The following EIF2D variants were observed in gnomAD, a reference collection of about 807,000 sequenced individuals.
EIF2D encodes the protein hepatocellular carcinoma-associated antigen 56.
Under a neutral mutation model 77.4 loss-of-function variants are expected in EIF2D, and 56 were observed. That is an observed-to-expected ratio of 0.72 (90% confidence interval 0.58 to 0.90). The LOEUF (loss-of-function observed/expected upper bound fraction) is 0.90. Ranked by LOEUF, EIF2D falls within the 40% of genes least tolerant of loss-of-function variation. EIF2D has a pLI of 0.00. For missense variants in EIF2D, 574 were observed against 706.5 expected (o/e 0.81, Z 2.13); for synonymous variants, 230 against 271.0 (o/e 0.85, Z 1.49).
At chr1:206,581,117 A>T (rs1558522270) in exon 3 of EIF2D, 1 of 152,242 alleles carries the variant, frequency 6.6e-6, no homozygotes. Flanking sequence ...TCTTACTAGC[A>T]GGGGACCACA....
At position 206,608,266 on chromosome 1, in the gene EIF2D, T is replaced by A. The variant is rs1266621250; in HGVS notation, c.392A>T (p.Asp131Val). The change falls in exon 4 of 15, where the codon GAC (aspartate) becomes GTC (valine). Residue 131 changes from aspartate (D) to valine (V), a missense_variant. Physicochemically the swap from Asp to Val is radical, Grantham distance 152. Coordinates refer to ENST00000271764, the MANE Select transcript of EIF2D (RefSeq NM_006893.3). ...PAGLPQVQKGDLCAISLVGNR... is the reference protein window; with the variant it reads ...PAGLPQVQKGVLCAISLVGNR... The stretch of plus-strand genomic sequence containing the variant: ...CCCCACCAAAGAAATGGCACAGAGG[T>A]CGCCCTTCTGTACCTGAGGCAGACC... The A allele has an allele frequency of 6.2e-7, 1 of 1,613,566 alleles. No individual in the cohort carries two copies.
chr1:206,593,644 G>C lies in EIF2D; in HGVS notation c.1659C>G (p.Val553=). ...SLQVQIQGNQ[V]HHLGWLLLEE... ...CAAGCAATAGCCAGCCGAGGTGGTG[G>C]ACCTGGTTTCCCTGGATCTGCACCT... The change falls in exon 14 of 15, where the codon GTC becomes GTG. Residue 553 remains valine, a synonymous_variant. Coordinates refer to ENST00000271764, the MANE Select transcript of EIF2D (RefSeq NM_006893.3). 6.2e-7 allele frequency: 1 copy of C among 1,610,486 alleles called. No individual in the cohort carries two copies.
chr1:206,583,663 C>T (rs1024358773), intron 2 of EIF2D: 8 of 393,056 alleles, frequency 2.0e-5, no homozygotes, highest in Admixed American at 3.8e-5. Flanking sequence ...TTAAACGGTA[C>T]GTAATGACCA....
rs575445549 is a variant in EIF2D at position 206,579,025 on chromosome 1, C to T, written c.*254+1667G>A. 5.3e-5 allele frequency among the ~76,000 whole-genome samples: 8 copies of T among 152,322 alleles called. No individual in the cohort carries two copies. The South Asian group carries it at 1.7e-3, about 32-fold the overall frequency. ...TTTAAATGGAAGCATTAGAGAATCA[C>T]TCAGGGTCGGGGTGTCGCTGTGAAC... On this transcript the variant is annotated intron_variant and NMD_transcript_variant, in intron 4 of 5. Coordinates refer to the EIF2D transcript ENST00000472709. This position sits in a 1 kb window ranked among gnomAD's most constrained non-coding sequence, Gnocchi z 4.2.
chr1:206,606,284 TCTG>T (rs1201589726), intron 4 of EIF2D, among the ~76,000 whole-genome samples: 1 of 152,206 alleles, frequency 6.6e-6, no homozygotes, highest in Non-Finnish European at 1.5e-5. Context: ...ACCTGGTAGC[TCTG>T]CTAACTGTAC....
At chr1:206,573,778 C>T (rs539130442) in intron 4 of EIF2D, among the ~76,000 whole-genome samples, 30 of 152,244 alleles carry the variant, frequency 2.0e-4, no homozygotes, top group South Asian at 6.2e-4. Context: ...GAGGCCAAAG[C>T]GGGAGGATCA....
intron 6 of EIF2D, 169 bp downstream of exon 6, chr1:206,602,782 T>C: frequency 2.0e-6 from 2 of 1,009,614 alleles, no homozygotes; most frequent in Non-Finnish European, 2.9e-6. Flanking sequence ...GTGGAAAGGA[T>C]TCAAAAACAA....
At chr1:206,583,513 C>T (rs1324236328) in intron 2 of EIF2D, 2 of 662,596 alleles carry the variant, frequency 3.0e-6, no homozygotes, top group Admixed American at 2.4e-5. Context: ...CCAGAGGCCT[C>T]CGGGGTCTGG....
Position 206,593,813 on chromosome 1 carries a change from A to G in EIF2D, c.1510-20T>C. On this transcript the variant is annotated intron_variant, in intron 13 of 14. Transcript: ENST00000271764. The stretch of plus-strand genomic sequence containing the variant: ...GGTCACCTGGGGGGACAGTGGGGAC[A>G]GAGACTGACGGTGGTGACTGCATTC... 6.3e-7 allele frequency: 1 copy of G among 1,581,836 alleles called. No homozygotes were observed. The highest frequency in any genetic ancestry group is 8.6e-7 in the Non-Finnish European group (1 of 1,157,256).
chr1:206,612,164 C>T lies in EIF2D; in HGVS notation c.56+123G>A, dbSNP rs752698602. On this transcript the variant is annotated intron_variant, in intron 1 of 14. Coordinates refer to ENST00000271764, the MANE Select transcript of EIF2D (RefSeq NM_006893.3). ...CCACCCTTGCCTCCTGGGGTCCCTT[C>T]CCTGGCATACCCCTCGGCCTCCACC... 5.2e-6 allele frequency: 7 copies of T among 1,352,916 alleles called. No individual in the cohort carries two copies. The South Asian group carries it at 7.2e-5, about 14-fold the overall frequency. The allele number at this position is 1,352,916 out of a possible 1,614,324, so 83.8% of individuals were successfully genotyped here.
At chr1:206,573,889 T>C (rs1668541873) in intron 4 of EIF2D, among the ~76,000 whole-genome samples, 1 of 152,200 alleles carries the variant, frequency 6.6e-6, no homozygotes. Context: ...GTGGACTTGA[T>C]CAAGTTCACA....
rs1669852067 is a variant in EIF2D, at chr1:206,600,135, T to A, written c.948+128A>T. 7.4e-6 allele frequency: 7 copies of A among 952,234 alleles called. No homozygotes were observed. The East Asian group carries it at 1.8e-4, about 24-fold the overall frequency. 59.0% of individuals were successfully genotyped at this position (952,234 alleles called of 1,614,324 possible). A position where few individuals can be genotyped will look rare whatever the true frequency, so the allele number is the denominator to read the frequency against. ...AGAGTTTCTTTCTTCCCCCTTATAC[T>A]TGGAGTCAAAAAGCTTAATTCTAGA... On this transcript the variant is annotated intron_variant, in intron 8 of 14. Transcript: ENST00000271764.
rs782690682 is a variant in EIF2D, at chr1:206,584,395, C to T, written c.139-3233G>A. ...CATGCCCCCGCTGGCAGAGTGAAGA[C>T]GGCACCTACACGGGTTTCATCAAAG... On this transcript the variant is annotated intron_variant and NMD_transcript_variant, in intron 2 of 5. Transcript: ENST00000472709. The surrounding 1 kb of genome is among the most constrained non-coding windows in gnomAD (Gnocchi z 4.9). 24 of 1,610,300 alleles carry T rather than the reference C, an allele frequency of 1.5e-5. No homozygotes were observed. The highest frequency in any genetic ancestry group is 2.2e-5 in the East Asian group (1 of 44,880).
Position 206,592,102 on chromosome 1 carries a change from G to A in EIF2D, c.1685-257C>T, listed in dbSNP as rs782056483. ...TGTGTCTGTTCAGTCTGTGCTCCTCGCTCTTGCTCATAACATTTCTTCTCA... is the reference window on the plus strand; with the variant it reads ...TGTGTCTGTTCAGTCTGTGCTCCTCACTCTTGCTCATAACATTTCTTCTCA... On this transcript the variant is annotated intron_variant, in intron 14 of 14. Transcript: ENST00000271764. The surrounding 1 kb of genome is among the most constrained non-coding windows in gnomAD (Gnocchi z 4.7). Among the ~76,000 whole-genome samples the A allele has an allele frequency of 2.6e-5, 4 of 152,156 alleles. No homozygotes were observed. The highest frequency in any genetic ancestry group is 4.8e-5 in the African/African-American group (2 of 41,412).
At chr1:206,601,861 T>C (rs1669937369) in intron 7 of EIF2D, 1 of 158,334 alleles carries the variant, frequency 6.3e-6, no homozygotes, top group Admixed American at 6.1e-5. Context: ...GTGTTTTGGA[T>C]GGGGTGGGCC....
chr1:206,584,416 C>T lies in EIF2D; in HGVS notation c.139-3254G>A, dbSNP rs1310608835. 4 of 1,613,740 alleles carry T rather than the reference C, an allele frequency of 2.5e-6. No homozygotes were observed. The African/African-American group carries it at 4.0e-5, about 16-fold the overall frequency. ...AAGACGGCACCTACACGGGTTTCAT[C>T]AAAGTGCATCTGAAACTCCGGCGGC... is the stretch of plus-strand genomic sequence containing the variant. On this transcript the variant is annotated intron_variant and NMD_transcript_variant, in intron 2 of 5. Coordinates refer to the EIF2D transcript ENST00000472709. The surrounding 1 kb of genome is among the most constrained non-coding windows in gnomAD (Gnocchi z 4.9).
Position 206,584,285 on chromosome 1 carries a change from C to A in EIF2D, c.139-3123G>T. 2 of 1,174,494 alleles carry A rather than the reference C, an allele frequency of 1.7e-6. No homozygotes were observed. Among genetic ancestry groups the A allele is most frequent in the Non-Finnish European group, 1.2e-6 (1 of 838,796 alleles). 72.8% of individuals were successfully genotyped at this position (1,174,494 alleles called of 1,614,324 possible). A position where few individuals can be genotyped will look rare whatever the true frequency, so the allele number is the denominator to read the frequency against. On this transcript the variant is annotated intron_variant and NMD_transcript_variant, in intron 2 of 5. Coordinates refer to the EIF2D transcript ENST00000472709. This position sits in a 1 kb window ranked among gnomAD's most constrained non-coding sequence, Gnocchi z 4.9. ...ACGTCAGCAGAGGCAGGAAAGAACT[C>A]AAGGAGACAGGTGGGTGCTGCTGGG...
At chr1:206,577,531 T>C (rs1272591982) in intron 4 of EIF2D, among the ~76,000 whole-genome samples, 1 of 152,224 alleles carries the variant, frequency 6.6e-6, no homozygotes, top group Non-Finnish European at 1.5e-5. Context: ...GCTTAGAGAT[T>C]ATCTGACTTT....
At chr1:206,577,571 C>G (rs1668700005) in intron 4 of EIF2D, among the ~76,000 whole-genome samples, 1 of 152,156 alleles carries the variant, frequency 6.6e-6, no homozygotes, top group Non-Finnish European at 1.5e-5. Context: ...TCATGGGAGT[C>G]AGAAGCCCAA....
Sources: allele counts gnomAD v4.1 joint callset (sites outside exome capture counted in the v4.1 genomes callset), GRCh38; gene constraint gnomAD v4.1.1; non-coding constraint Gnocchi (gnomAD v3.1); transcripts MANE v1.5; gene names NCBI Gene and HGNC (gene_info 2026-07-23, HGNC 2026-07-21).